The following CENPN variants were observed in gnomAD, a reference collection of about 807,000 sequenced individuals.
CENPN encodes interphase centromere complex protein 32.
Under a neutral mutation model 48.6 loss-of-function variants are expected in CENPN, and 36 were observed. That is an observed-to-expected ratio of 0.74 (90% CI 0.57 to 0.98). The LOEUF (loss-of-function observed/expected upper bound fraction) is 0.98, where lower values mean the gene tolerates loss of function less well. CENPN is among the 50% of genes least tolerant of loss of function. The pLI is 0.00. For synonymous variants in CENPN, 166 were observed against 135.2 expected (o/e 1.23, Z -1.58); for missense variants, 439 against 399.2 (o/e 1.10, Z -0.85).
chr16:81,028,140 T>A, intron 9 of CENPN, 31 bp from the exon 10 acceptor site: 1 of 1,488,020 alleles, frequency 6.7e-7, no homozygotes, highest in Non-Finnish European at 9.4e-7. Flanking sequence ...TACAATATGT[T>A]TAATAGTCAT....
At position 81,017,757 on chromosome 16, in the gene CENPN, G is replaced by A; in HGVS notation, c.278-1G>A. On this transcript the variant is annotated splice_acceptor_variant, in intron 4 of 10. Coordinates refer to ENST00000305850, the MANE Select transcript of CENPN (RefSeq NM_001100624.3). LOFTEE classifies it high-confidence loss of function. Reference sequence around the variant, plus strand: ...TCTTTATTTTTTTTTCACTTTGGCAGGTGAAGATGTTGACCTTTTTGATAT... The same window carrying A: ...TCTTTATTTTTTTTTCACTTTGGCAAGTGAAGATGTTGACCTTTTTGATAT... 1 of 1,583,764 alleles carries A rather than the reference G, an allele frequency of 6.3e-7. No individual in the cohort carries two copies. Among genetic ancestry groups the A allele is most frequent in the Non-Finnish European group, 8.6e-7 (1 of 1,166,860 alleles).
At chr16:81,011,885 T>C in intron 1 of CENPN, 45 bp from the exon 2 acceptor site, 1 of 1,459,398 alleles carries the variant, frequency 6.9e-7, no homozygotes, top group Non-Finnish European at 9.5e-7. Context: ...AGACAAGTAT[T>C]GTATTTGGTT....
chr16:81,025,689 CTCTT>C (rs1970434797), intron 8 of CENPN, among the ~76,000 whole-genome samples: 3 of 135,218 alleles, frequency 2.2e-5, no homozygotes, highest in Admixed American at 7.3e-5. Context: ...GACCCTGTCT[CTCTT>C]TTTTTTTTTT....
chr16:81,022,790 A>G (rs138454126), intron 7 of CENPN, 92 bp downstream of exon 7: 11 of 1,613,910 alleles, frequency 6.8e-6, no homozygotes, highest in Non-Finnish European at 8.5e-6. Flanking sequence ...ACCTCCGACA[A>G]GAGGAGATCA....
At position 81,029,620 on chromosome 16, in the gene CENPN, G is replaced by T. The variant is rs1469473659; in HGVS notation, c.*969G>T. On this transcript the variant is annotated 3_prime_UTR_variant, in exon 11 of 11. Transcript: ENST00000305850. ...GAGACAAGTCTCCTTCTATCGCCCA[G>T]GCTGGAGTGCAATGGCACAATCTTG... 6.6e-6 allele frequency among the ~76,000 whole-genome samples: 1 copy of T among 151,958 alleles called. No individual in the cohort carries two copies. The highest frequency in any genetic ancestry group is 1.5e-5 in the Non-Finnish European group (1 of 67,994).
At position 81,030,368 on chromosome 16, in the gene CENPN, T is replaced by A. The variant is rs952795355; in HGVS notation, c.*1717T>A. On this transcript the variant is annotated 3_prime_UTR_variant, in exon 11 of 11. Transcript: ENST00000305850. ...CAGCACTTCAGGAGGTTTCTCCTAG[T>A]GTACTCTCACACTTCTGATACCAGA... 4.1e-6 allele frequency: 4 copies of A among 985,326 alleles called. No homozygotes were observed. In the South Asian group the frequency reaches 1.4e-4, roughly 35 times the overall value. The allele number at this position is 985,326 out of a possible 1,614,324, so 61.0% of individuals were successfully genotyped here.
intron 2 of CENPN, among the ~76,000 whole-genome samples, chr16:81,012,488 A>C (rs1969783061): frequency 6.6e-6 from 1 of 152,168 alleles, no homozygotes; most frequent in Non-Finnish European, 1.5e-5. Context: ...TTATCTCTTT[A>C]ATTGCTTATT....
chr16:81,022,567 A>C, intron 6 of CENPN, 30 bp from the exon 7 acceptor site: 1 of 1,560,742 alleles, frequency 6.4e-7, no homozygotes, highest in South Asian at 1.1e-5. Flanking sequence ...CAGTAATCCT[A>C]GTAATAGTCT....
At chr16:81,014,568 G>C (rs1481469480) in intron 3 of CENPN, among the ~76,000 whole-genome samples, 2 of 152,084 alleles carry the variant, frequency 1.3e-5, no homozygotes, top group Non-Finnish European at 2.9e-5. Context: ...GAGTTCAGGA[G>C]ACCTTGTTTC....
At position 81,028,903 on chromosome 16, in the gene CENPN, C is replaced by T. The variant is rs1054517007; in HGVS notation, c.*252C>T. 1 of 1,156,488 alleles carries T rather than the reference C, an allele frequency of 8.6e-7. No individual in the cohort carries two copies. The highest frequency in any genetic ancestry group is 1.1e-6 in the Non-Finnish European group (1 of 940,112). 71.6% of individuals were successfully genotyped at this position (1,156,488 alleles called of 1,614,324 possible). A position where few individuals can be genotyped will look rare whatever the true frequency, so the allele number is the denominator to read the frequency against. On this transcript the variant is annotated 3_prime_UTR_variant, in exon 11 of 11. Transcript: ENST00000305850. Reference sequence around the variant, plus strand: ...CAGGACATATATATATATGGCCCCACACTTGACCTTGAGTGCCTGAATGCT... The same window carrying T: ...CAGGACATATATATATATGGCCCCATACTTGACCTTGAGTGCCTGAATGCT...
At chr16:81,015,675 A>ATTT (rs1337045214) in intron 3 of CENPN, among the ~76,000 whole-genome samples, 1 of 152,220 alleles carries the variant, frequency 6.6e-6, no homozygotes, top group Non-Finnish European at 1.5e-5. Context: ...AGGTGGATCC[A>ATTT]CACCATTCCC....
At chr16:81,010,560 G>A (rs1969697287) in intron 1 of CENPN, among the ~76,000 whole-genome samples, 1 of 152,196 alleles carries the variant, frequency 6.6e-6, no homozygotes, top group African/African-American at 2.4e-5. Flanking sequence ...AAAGGACTAA[G>A]AGACAGCAAT....
Position 81,029,933 on chromosome 16 carries a change from G to A in CENPN, c.*1282G>A, listed in dbSNP as rs771436233. Among the ~76,000 whole-genome samples, 1 of 152,180 alleles carries A rather than the reference G, an allele frequency of 6.6e-6. No homozygotes were observed. The highest frequency in any genetic ancestry group is 2.4e-5 in the African/African-American group (1 of 41,436). On this transcript the variant is annotated 3_prime_UTR_variant, in exon 11 of 11. Transcript: ENST00000305850. ...CACAAAGGAAAGAGGCTTAACTGAC[G>A]CACATTTCCACGTGGCCAGGGAGGC...
rs1462383457 is a variant in CENPN, at chr16:81,012,018, G to A, written c.79G>A (p.Ala27Thr). 2 of 1,613,974 alleles carry A rather than the reference G, an allele frequency of 1.2e-6. No individual in the cohort carries two copies. The highest frequency in any genetic ancestry group is 2.7e-5 in the African/African-American group (2 of 74,900). ...PMNELTTILKAWDFLSENQLQ... is the reference protein window; with the variant it reads ...PMNELTTILKTWDFLSENQLQ... Reference sequence around the variant, plus strand: ...GAATGAACTGACAACAATCCTGAAGGCCTGGGATTTTTTGTCTGAAAATCA... The same window carrying A: ...GAATGAACTGACAACAATCCTGAAGACCTGGGATTTTTTGTCTGAAAATCA... The change falls in exon 2 of 11, where the codon GCC becomes ACC. Residue 27 changes from alanine (A) to threonine (T), a missense_variant. Transcript: ENST00000305850.
At chr16:81,018,883 G>C (rs1270616796) in intron 5 of CENPN, among the ~76,000 whole-genome samples, 1 of 152,234 alleles carries the variant, frequency 6.6e-6, no homozygotes, top group Non-Finnish European at 1.5e-5. Context: ...GGCAAGCTGA[G>C]TGCATCTCAC....
intron 7 of CENPN, 92 bp downstream of exon 7, chr16:81,022,790 A>T: frequency 6.2e-7 from 1 of 1,614,028 alleles, no homozygotes; most frequent in South Asian, 1.1e-5. Context: ...ACCTCCGACA[A>T]GAGGAGATCA....
rs1390029253 is a variant in CENPN at position 81,014,260 on chromosome 16, G to A, written c.217+79G>A. 34 of 1,223,240 alleles carry A rather than the reference G, an allele frequency of 2.8e-5. No homozygotes were observed. The Admixed American group carries it at 5.3e-4, about 19-fold the overall frequency. The allele number at this position is 1,223,240 out of a possible 1,614,324, so 75.8% of individuals were successfully genotyped here. A position where few individuals can be genotyped will look rare whatever the true frequency, so the allele number is the denominator to read the frequency against. On this transcript the variant is annotated intron_variant, in intron 3 of 10. Transcript: ENST00000305850. ...TTTTGTTTCTTTCTTTGTGAGACAG[G>A]GTCTCCCTCTGTCGCCCAGGCTGGA...
rs9924701 is a variant in CENPN at position 81,011,031 on chromosome 16, G to A, written c.-10-899G>A. On this transcript the variant is annotated intron_variant, in intron 1 of 10. Coordinates refer to ENST00000305850, the MANE Select transcript of CENPN (RefSeq NM_001100624.3). ...CAGAGTGAAAACAGCAGTGATCCCC[G>A]CAGTGCCTTTCAAGGCCCTCCATGA... 5.3e-5 allele frequency among the ~76,000 whole-genome samples: 8 copies of A among 152,258 alleles called. No individual in the cohort carries two copies. The South Asian group carries it at 6.2e-4, about 12-fold the overall frequency.
At position 81,025,569 on chromosome 16, in the gene CENPN, T is replaced by C. The variant is rs760686479; in HGVS notation, c.697+791T>C. 3.9e-4 allele frequency among the ~76,000 whole-genome samples: 59 copies of C among 152,042 alleles called. 1 individual carries two copies. The highest frequency in any genetic ancestry group is 6.3e-3 in the Middle Eastern group (2 of 316). On this transcript the variant is annotated intron_variant, in intron 8 of 10. Coordinates refer to ENST00000305850, the MANE Select transcript of CENPN (RefSeq NM_001100624.3). ...TTACGATTCCAGTTTTAAAAATACA[T>C]AGGTGAGGCTAGGAACAATGTTATG...
Sources: gnomAD v4.1 joint callset for allele counts (sites outside exome capture counted in the v4.1 genomes callset) on GRCh38, gnomAD v4.1.1 for gene constraint, MANE v1.5 for transcripts, NCBI Gene and HGNC (gene_info 2026-07-23, HGNC 2026-07-21) for gene names.